Variants in KIFAP3 observed in about 807,000 individuals in gnomAD.
KIFAP3 encodes the protein kinesin associated protein 3, also known as kinesin-associated protein 3.
Under a neutral mutation model 106.5 loss-of-function variants are expected in KIFAP3, and 68 were observed. That is an observed-to-expected ratio of 0.64 (90% CI 0.53 to 0.78). The LOEUF (loss-of-function observed/expected upper bound fraction) is 0.78. Ranked by LOEUF, KIFAP3 falls within the 30% of genes least tolerant of loss-of-function variation. KIFAP3 has a pLI of 0.00. For missense variants in KIFAP3, 780 were observed against 941.8 expected (o/e 0.83, Z 2.25); for synonymous variants, 320 against 311.5 (o/e 1.03, Z -0.29).
intron 1 of KIFAP3, among the ~76,000 whole-genome samples, chr1:170,069,507 T>C (rs1338482699): frequency 6.6e-6 from 1 of 152,058 alleles, no homozygotes; most frequent in East Asian, 1.9e-4. Flanking sequence ...CCACGCAACA[T>C]GGCCACATGG....
At chr1:170,027,276 T>C (rs1669165270) in intron 8 of KIFAP3, among the ~76,000 whole-genome samples, 1 of 152,120 alleles carries the variant, frequency 6.6e-6, no homozygotes, top group Non-Finnish European at 1.5e-5. Flanking sequence ...TGCCTTGGCC[T>C]CCCAAAGTGC....
At chr1:170,068,917 T>C (rs1671574380) in intron 1 of KIFAP3, 1 of 151,664 alleles carries the variant, frequency 6.6e-6, no homozygotes, top group Admixed American at 6.6e-5. Flanking sequence ...AGAAAAAGAA[T>C]AGAGAAAATG....
intron 19 of KIFAP3, among the ~76,000 whole-genome samples, chr1:169,946,709 C>T (rs1490569598): frequency 6.6e-6 from 1 of 151,916 alleles, no homozygotes; most frequent in East Asian, 1.9e-4. Flanking sequence ...GATTTAAATG[C>T]AAGATAAATG....
At chr1:169,952,121 T>C (rs1664759763) in intron 19 of KIFAP3, among the ~76,000 whole-genome samples, 2 of 152,004 alleles carry the variant, frequency 1.3e-5, no homozygotes, top group Admixed American at 6.5e-5. Context: ...GTTTAGCTTT[T>C]ATTTCCTAAG....
chr1:170,035,066 T>C (rs893868658), intron 6 of KIFAP3, among the ~76,000 whole-genome samples: 1 of 151,980 alleles, frequency 6.6e-6, no homozygotes, highest in African/African-American at 2.4e-5. Context: ...AAATAATAAA[T>C]ACAATACATA....
chr1:170,056,909 G>T (rs1453397772), intron 1 of KIFAP3, among the ~76,000 whole-genome samples: 4 of 151,884 alleles, frequency 2.6e-5, no homozygotes, highest in Non-Finnish European at 5.9e-5. Context: ...GAGGAATTAG[G>T]AAATGAGATA....
chr1:169,978,710 A>C (rs1054604940), intron 15 of KIFAP3, among the ~76,000 whole-genome samples: 1 of 152,124 alleles, frequency 6.6e-6, no homozygotes, highest in African/African-American at 2.4e-5. Flanking sequence ...GTAATGGAAA[A>C]AGCATAATTG....
intron 10 of KIFAP3, among the ~76,000 whole-genome samples, chr1:170,009,847 A>G (rs1668156322): frequency 6.6e-6 from 1 of 152,142 alleles, no homozygotes. Flanking sequence ...AATTTTTTTG[A>G]AGATCTGATT....
At chr1:169,968,592 T>A (rs1183754824) in intron 17 of KIFAP3, among the ~76,000 whole-genome samples, 1 of 151,938 alleles carries the variant, frequency 6.6e-6, no homozygotes, top group East Asian at 1.9e-4. Flanking sequence ...AGATACTTTT[T>A]ATATCTTAAA....
chr1:170,035,419 C>A, intron 6 of KIFAP3, 35 bp downstream of exon 6: 1 of 1,309,526 alleles, frequency 7.6e-7, no homozygotes, highest in Non-Finnish European at 1.1e-6. Context: ...AATAGAGATA[C>A]AGTAGCCTTT....
At chr1:169,934,407 G>A (rs570677317) in intron 19 of KIFAP3, among the ~76,000 whole-genome samples, 1 of 152,238 alleles carries the variant, frequency 6.6e-6, no homozygotes, top group African/African-American at 2.4e-5. Flanking sequence ...CTTACTGACA[G>A]ATTCTAGTTA....
intron 1 of KIFAP3, among the ~76,000 whole-genome samples, chr1:170,060,759 T>C (rs1201274457): frequency 2.6e-5 from 4 of 152,156 alleles, no homozygotes; most frequent in African/African-American, 7.2e-5. Flanking sequence ...GATTTTAAAC[T>C]ATACTACAAG....
At chr1:169,952,938 G>A (rs1053907339) in intron 19 of KIFAP3, among the ~76,000 whole-genome samples, 1 of 151,898 alleles carries the variant, frequency 6.6e-6, no homozygotes, top group South Asian at 2.1e-4. Context: ...TAAAAAATAC[G>A]TGAACATATC....
chr1:169,949,556 C>T (rs185340080), intron 19 of KIFAP3, among the ~76,000 whole-genome samples: 1 of 151,988 alleles, frequency 6.6e-6, no homozygotes, highest in Admixed American at 6.5e-5. Context: ...CCTTAACATG[C>T]GGTTCTTGTT....
intron 9 of KIFAP3, among the ~76,000 whole-genome samples, chr1:170,021,555 T>A (rs913960814): frequency 6.7e-6 from 1 of 149,182 alleles, no homozygotes; most frequent in African/African-American, 2.5e-5. Context: ...TTCTCCTGCC[T>A]CAGCCTCCTA....
At chr1:169,921,883 G>A in intron 19 of KIFAP3, 102 bp from the exon 20 acceptor site, 1 of 833,348 alleles carries the variant, frequency 1.2e-6, no homozygotes, top group Non-Finnish European at 1.9e-6. Flanking sequence ...TCTCTTCCTA[G>A]CAGGGATAGT....
intron 19 of KIFAP3, among the ~76,000 whole-genome samples, chr1:169,948,099 C>G (rs1245380589): frequency 6.6e-6 from 1 of 151,212 alleles, no homozygotes; most frequent in Non-Finnish European, 1.5e-5. Flanking sequence ...TTCATATGGA[C>G]AAATTCTTAG....
chr1:170,040,983 G>A (rs376300997), intron 3 of KIFAP3, among the ~76,000 whole-genome samples: 56 of 151,880 alleles, frequency 3.7e-4, no homozygotes, highest in African/African-American at 9.2e-4. Flanking sequence ...ACACCACAAC[G>A]CCCAGCTATT....
chr1:170,012,427 G>A (rs1668288545), intron 10 of KIFAP3, among the ~76,000 whole-genome samples: 1 of 151,906 alleles, frequency 6.6e-6, no homozygotes, highest in Admixed American at 6.6e-5. Context: ...AGGGACTCTG[G>A]CTCCAAATCC....
Sources: allele counts gnomAD v4.1 joint callset (sites outside exome capture counted in the v4.1 genomes callset), GRCh38; gene constraint gnomAD v4.1.1; transcripts MANE v1.5; gene names NCBI Gene and HGNC (gene_info 2026-07-23, HGNC 2026-07-21).